Variants in LRRK1 observed in about 807,000 individuals in gnomAD.
The protein encoded by LRRK1 is leucine rich repeat kinase 1, also known as leucine-rich repeat serine/threonine-protein kinase 1.
LRRK1 carries 113 observed loss-of-function variants against 209.1 expected under a neutral mutation model. That is an observed-to-expected ratio of 0.54 (90% CI 0.46 to 0.63). LRRK1 has a LOEUF of 0.63. Among genes scored for constraint, LRRK1 ranks in the 30% least tolerant of loss-of-function variants. The probability of loss-of-function intolerance (pLI) is 0.00; values close to 1 mark genes in which losing one functional copy is unlikely to be tolerated. For missense variants in LRRK1, 2,284 were observed against 2,632.2 expected (o/e 0.87, Z 2.89); for synonymous variants, 1,144 against 1,099.7 (o/e 1.04, Z -0.80).
chr15:100,982,807 G>T lies in LRRK1; in HGVS notation c.262-721G>T, dbSNP rs2031676494. 2.0e-5 allele frequency among the ~76,000 whole-genome samples: 3 copies of T among 152,218 alleles called. No individual in the cohort carries two copies. In the South Asian group the frequency reaches 6.2e-4, roughly 32 times the overall value. On this transcript the variant is annotated intron_variant, in intron 3 of 33. Coordinates refer to ENST00000388948, the MANE Select transcript of LRRK1 (RefSeq NM_024652.6). Reference sequence around the variant, plus strand: ...GAGCTCTGGCTCTATGCCAGAAGGGGCTATGCACACCGTCCCCTTCCTCAT... The same window carrying T: ...GAGCTCTGGCTCTATGCCAGAAGGGTCTATGCACACCGTCCCCTTCCTCAT...
intron 21 of LRRK1, 35 bp from the exon 22 acceptor site, chr15:101,048,459 G>C (rs756116557): frequency 1.3e-6 from 2 of 1,588,814 alleles, no homozygotes; most frequent in Non-Finnish European, 8.5e-7. Flanking sequence ...GAGGAGCCCA[G>C]AATACTTAAG....
chr15:100,926,680 C>CTTTTTTTTTTTTTTTTTT (rs71151990), intron 2 of LRRK1, among the ~76,000 whole-genome samples: 29 of 81,824 alleles, frequency 3.5e-4, no homozygotes, highest in East Asian at 1.2e-3. Context: ...TTCTTTTTTT[C>CTTTTTTTTTTTTTTTTTT]TTTTTTTTTT....
At chr15:100,988,849 G>A (rs75154381) in intron 5 of LRRK1, 36 bp downstream of exon 5, 90,866 of 1,517,890 alleles carry the variant, frequency 0.06, 3,027 homozygotes, top group Middle Eastern at 0.067. Flanking sequence ...AACCCTGACC[G>A]TGCAAACCAT....
intron 20 of LRRK1, among the ~76,000 whole-genome samples, chr15:101,032,435 CT>C (rs1225662156): frequency 7.0e-6 from 1 of 142,072 alleles, no homozygotes; most frequent in Non-Finnish European, 1.5e-5. Context: ...CCCCCTCCCC[CT>C]ACCCGATACA....
intron 2 of LRRK1, among the ~76,000 whole-genome samples, chr15:100,927,209 G>T (rs1246885396): frequency 3.3e-5 from 5 of 152,170 alleles, no homozygotes; most frequent in Admixed American, 3.3e-4. Context: ...ATTCTTACAG[G>T]TCCCAGGGAC....
At chr15:101,040,351 T>C (rs1231332838) in intron 20 of LRRK1, among the ~76,000 whole-genome samples, 1 of 152,120 alleles carries the variant, frequency 6.6e-6, no homozygotes, top group African/African-American at 2.4e-5. Flanking sequence ...TTAAAATATC[T>C]CTGGAATGTG....
chr15:100,941,290 CTGTG>C (rs1806637622), intron 2 of LRRK1, among the ~76,000 whole-genome samples: 1 of 28,198 alleles, frequency 3.5e-5, no homozygotes, highest in East Asian at 1.0e-3. Flanking sequence ...GTGTGTGTGT[CTGTG>C]TGTGTCTATG....
In LRRK1 at chr15:101,024,013, G is replaced by A. The variant is rs1053731636; in HGVS notation, c.2068-790G>A. On this transcript the variant is annotated intron_variant, in intron 15 of 33. Transcript: ENST00000388948. The surrounding 1 kb of genome is among the most constrained non-coding windows in gnomAD (Gnocchi z 4.6). ...TAGCTGAGGCCTGAGGGGTGAATTC[G>A]TGCTTCTATTTTTCCTGACCTTCAC... 2.0e-4 allele frequency among the ~76,000 whole-genome samples: 30 copies of A among 152,162 alleles called. No homozygotes were observed. The highest frequency in any genetic ancestry group is 6.3e-4 in the African/African-American group (26 of 41,506).
Position 100,983,553 on chromosome 15 carries a change from C to G in LRRK1, c.287C>G (p.Ala96Gly), listed in dbSNP as rs377500835. The change falls in exon 4 of 34, where the codon GCC becomes GGC. Residue 96 changes from alanine to glycine, a missense_variant. By Grantham distance (60) the Ala-to-Gly change is moderately conservative (BLOSUM62 0). Transcript: ENST00000388948. ...GGCCAGCTTCTGAGCATCCCGGCAG[C>G]CTATGGGGATCTGGAGATGGTCCGC... ...EKGQLLSIPA[A>G]YGDLEMVRYL... 6.2e-7 allele frequency: 1 copy of G among 1,607,912 alleles called. No individual in the cohort carries two copies.
intron 20 of LRRK1, among the ~76,000 whole-genome samples, chr15:101,033,064 G>C (rs185334812): frequency 8.9e-4 from 136 of 152,286 alleles, no homozygotes; most frequent in African/African-American, 3.1e-3. Flanking sequence ...GGATCATGCT[G>C]CCTCTGAAGG....
chr15:100,938,944 C>A (rs28693492), intron 2 of LRRK1, among the ~76,000 whole-genome samples: 1 of 151,710 alleles, frequency 6.6e-6, no homozygotes, highest in African/African-American at 2.4e-5. Flanking sequence ...ATACAAAAAA[C>A]TAGCGAGGCA....
At position 101,024,794 on chromosome 15, in the gene LRRK1, C is replaced by T; in HGVS notation, c.2068-9C>T. 6.2e-7 allele frequency: 1 copy of T among 1,606,650 alleles called. No individual in the cohort carries two copies. Among genetic ancestry groups the T allele is most frequent in the South Asian group, 1.1e-5 (1 of 90,864 alleles). On this transcript the variant is annotated splice_polypyrimidine_tract_variant and intron_variant, in intron 15 of 33. Transcript: ENST00000388948. The surrounding 1 kb of genome is among the most constrained non-coding windows in gnomAD (Gnocchi z 4.6). Reference sequence around the variant, plus strand: ...ATGCCTCCCTGTCGCTGCCTTGTTGCTCAAGTAGGTTGAGTCCGTGGAGTT... The same window carrying T: ...ATGCCTCCCTGTCGCTGCCTTGTTGTTCAAGTAGGTTGAGTCCGTGGAGTT...
rs377315974 is a variant in LRRK1 at position 101,029,230 on chromosome 15, C to T, written c.2961C>T (p.Asp987=). ...KFEIALPVAN[D]SYLLPHLLPS... ...AGATCGCCCTGCCCGTCGCCAATGA[C>T]AGGTGAGGACACAACTTAACACGCC... The change falls in exon 20 of 34, where the codon GAC becomes GAT. Residue 987 remains aspartate (D), a splice_region_variant and synonymous_variant. Transcript: ENST00000388948. 1.9e-6 allele frequency: 3 copies of T among 1,608,722 alleles called. No homozygotes were observed. Among genetic ancestry groups the T allele is most frequent in the African/African-American group, 2.7e-5 (2 of 74,810 alleles).
At chr15:100,929,025 A>G (rs1441976545) in intron 2 of LRRK1, among the ~76,000 whole-genome samples, 1 of 152,220 alleles carries the variant, frequency 6.6e-6, no homozygotes, top group Non-Finnish European at 1.5e-5. Flanking sequence ...GCAGCTGTCA[A>G]TGAGATGCTG....
intron 6 of LRRK1, among the ~76,000 whole-genome samples, chr15:101,002,603 G>A (rs909233148): frequency 6.6e-6 from 1 of 152,192 alleles, no homozygotes; most frequent in Non-Finnish European, 1.5e-5. Context: ...ATAATTGCTG[G>A]CTTTGCTCTC....
chr15:100,973,667 G>C (rs1198554064), intron 2 of LRRK1, 137 bp from the exon 3 acceptor site: 1 of 896,240 alleles, frequency 1.1e-6, no homozygotes, highest in Non-Finnish European at 1.5e-6. Context: ...AGCGTCGCGG[G>C]GCCACCCCTC....
At chr15:101,059,979 G>C (rs934364144) in intron 29 of LRRK1, among the ~76,000 whole-genome samples, 6 of 152,224 alleles carry the variant, frequency 3.9e-5, no homozygotes, top group African/African-American at 1.4e-4. Flanking sequence ...CTGGCCTAGA[G>C]ACACACACGC....
At chr15:101,013,605 C>A (rs1389184585) in intron 10 of LRRK1, among the ~76,000 whole-genome samples, 1 of 152,088 alleles carries the variant, frequency 6.6e-6, no homozygotes, top group Non-Finnish European at 1.5e-5. Flanking sequence ...CAGAGCGAGA[C>A]CCTATCTCTA....
intron 4 of LRRK1, among the ~76,000 whole-genome samples, chr15:100,988,364 G>A (rs1332790599): frequency 1.3e-5 from 2 of 152,092 alleles, no homozygotes; most frequent in African/African-American, 4.8e-5. Flanking sequence ...TGCATTCAAT[G>A]TTTAGCTCCC....
Sources: allele counts gnomAD v4.1 joint callset (sites outside exome capture counted in the v4.1 genomes callset), GRCh38; gene constraint gnomAD v4.1.1; non-coding constraint Gnocchi (gnomAD v3.1); transcripts MANE v1.5; gene names NCBI Gene and HGNC (gene_info 2026-07-23, HGNC 2026-07-21).